Variants in ARFGAP1 observed in about 807,000 individuals in gnomAD.
ARFGAP1 encodes ARF GTPase activating protein 1.
A neutral mutation model predicts 54.0 loss-of-function variants in ARFGAP1; 26 were observed. The observed-to-expected ratio is 0.48, with a 90% CI of 0.35 to 0.67. The LOEUF is 0.67. ARFGAP1 is among the 30% of genes least tolerant of loss of function. The pLI, the probability that ARFGAP1 is intolerant of heterozygous loss-of-function variation, is 0.00. For missense variants in ARFGAP1, 525 were observed against 535.8 expected (o/e 0.98, Z 0.20); for synonymous variants, 248 against 211.9 (o/e 1.17, Z -1.48).
intron 7 of ARFGAP1, among the ~76,000 whole-genome samples, chr20:63,279,721 G>C (rs925918025): frequency 4.9e-4 from 74 of 152,206 alleles, no homozygotes; most frequent in African/African-American, 1.6e-3. Flanking sequence ...TTCTGGTCTG[G>C]GGATGCCTGG....
intron 6 of ARFGAP1, chr20:63,278,659 C>T (rs2067296066): frequency 1.8e-6 from 1 of 556,582 alleles, no homozygotes; most frequent in African/African-American, 1.9e-5. Flanking sequence ...TCTTCTAGTA[C>T]TTCTGTGGCT....
At chr20:63,275,973 A>G in intron 2 of ARFGAP1, 118 bp from the exon 3 acceptor site, 1 of 889,982 alleles carries the variant, frequency 1.1e-6, no homozygotes, top group Admixed American at 1.8e-5. Flanking sequence ...CCTGACCCAC[A>G]CCCCCGGCCA....
chr20:63,284,914 CAGG>C lies in ARFGAP1; in HGVS notation c.769_771del (p.Glu257del), dbSNP rs781052102. ...GAACGAGAACGTCCTCAAGCCTGCGCAGGAGAAGGTAACGGGCAGCTCCGGGTG... is the reference window on the plus strand; with the variant it reads ...GAACGAGAACGTCCTCAAGCCTGCGCAGAAGGTAACGGGCAGCTCCGGGTG... On this transcript the variant is annotated inframe_deletion, in exon 10 of 13. Transcript: ENST00000370283. 18 of 1,613,238 alleles carry C rather than the reference CAGG, an allele frequency of 1.1e-5. No individual in the cohort carries two copies. In the African/African-American group the frequency reaches 1.5e-4, roughly 13 times the overall value.
intron 11 of ARFGAP1, 159 bp downstream of exon 11, chr20:63,285,872 C>G (rs1222151610): frequency 8.4e-6 from 12 of 1,425,912 alleles, no homozygotes; most frequent in Non-Finnish European, 1.0e-5. Context: ...CCTGACAGCC[C>G]GAGGGATATG....
rs924412340 is a variant in ARFGAP1, at chr20:63,284,831, C to T, written c.718-35C>T. On this transcript the variant is annotated intron_variant, in intron 9 of 12. Coordinates refer to ENST00000370283, the MANE Select transcript of ARFGAP1 (RefSeq NM_018209.4). ...TGCCGACCCGTGTCCCGTGGTGGAG[C>T]TGTCGTGGGGCTCACGTGACTTCCC... The T allele has an allele frequency of 2.5e-6, 4 of 1,610,628 alleles. No homozygotes were observed. The African/African-American group carries it at 4.0e-5, about 16-fold the overall frequency.
At position 63,287,586 on chromosome 20, in the gene ARFGAP1, C is replaced by A; in HGVS notation, c.934C>A (p.Gln312Lys). ...LDSPSEGHSY[Q>K]NSGLDHFQNS... ...AAGCCCCTCGGAGGGCCACAGTTAT[C>A]AGAACAGCGGTCTGGACCACTTCCA... is the stretch of plus-strand genomic sequence containing the variant. Residue 312 changes from glutamine to lysine, a missense_variant, in exon 13 of 13, where the codon CAG becomes AAG. Gln to Lys is a moderately conservative substitution (Grantham distance 53, BLOSUM62 1). Around this residue, in one of 3 missense-constraint regions of ARFGAP1, gnomAD observed 466 missense variants for 453.6 expected, o/e 1.03. Transcript: ENST00000370283. The A allele has an allele frequency of 6.3e-7, 1 of 1,595,460 alleles. No homozygotes were observed.
chr20:63,283,771 G>A, intron 9 of ARFGAP1: 2 of 1,532,160 alleles, frequency 1.3e-6, no homozygotes, highest in Non-Finnish European at 1.8e-6. Context: ...ACCCCATGGT[G>A]GGTTCGAAGG....
chr20:63,277,631 C>G (rs2067268126), intron 5 of ARFGAP1, among the ~76,000 whole-genome samples: 2 of 152,180 alleles, frequency 1.3e-5, no homozygotes, highest in Non-Finnish European at 1.5e-5. Flanking sequence ...AGTTGCCCAT[C>G]TGCCTGTGGC....
intron 7 of ARFGAP1, 154 bp downstream of exon 7, chr20:63,279,149 T>A: frequency 1.3e-6 from 1 of 791,580 alleles, no homozygotes; most frequent in Non-Finnish European, 2.1e-6. Context: ...ACGTTTTCTT[T>A]CAAAAATGTG....
rs766439719 is a variant in ARFGAP1 at position 63,285,640 on chromosome 20, C to T, written c.775-14C>T. 10 of 1,613,186 alleles carry T rather than the reference C, an allele frequency of 6.2e-6. No individual in the cohort carries two copies. Among genetic ancestry groups the T allele is most frequent in the Non-Finnish European group, 8.5e-6 (10 of 1,179,774 alleles). On this transcript the variant is annotated splice_polypyrimidine_tract_variant and intron_variant, in intron 10 of 12. Transcript: ENST00000370283. ...CTCCCGCCCCCATTAATGCCGCTGT[C>T]TTCATCCGTGCAGGTGAAGGAGGGA...
rs961298087 is a variant in ARFGAP1, at chr20:63,276,852, A to G, written c.342+201A>G. On this transcript the variant is annotated intron_variant, in intron 4 of 12. Coordinates refer to ENST00000370283, the MANE Select transcript of ARFGAP1 (RefSeq NM_018209.4). This position sits in a 1 kb window ranked among gnomAD's most constrained non-coding sequence, Gnocchi z 5.2. ...GCAAATGGCTTGCGGGGGGAGACAG[A>G]CCTTCCCCGCCTCCAGGGGAGAAAG... The G allele has an allele frequency of 4.8e-5, 28 of 582,458 alleles. No homozygotes were observed. Among genetic ancestry groups the G allele is most frequent in the South Asian group, 2.3e-4 (9 of 39,318 alleles). The allele number at this position is 582,458 out of a possible 1,614,324, so 36.1% of individuals were successfully genotyped here.
chr20:63,280,880 G>GGAAA (rs2067362364), intron 7 of ARFGAP1, among the ~76,000 whole-genome samples: 1 of 152,204 alleles, frequency 6.6e-6, no homozygotes, highest in South Asian at 2.1e-4. Context: ...AGGCTCAGAA[G>GGAAA]GAAACCCTGA....
At chr20:63,280,981 C>T (rs1298377877) in intron 7 of ARFGAP1, among the ~76,000 whole-genome samples, 1 of 152,206 alleles carries the variant, frequency 6.6e-6, no homozygotes, top group South Asian at 2.1e-4. Flanking sequence ...GGAGCGCCGG[C>T]CATGGGGAGG....
chr20:63,285,981 G>T, intron 11 of ARFGAP1: 1 of 1,521,950 alleles, frequency 6.6e-7, no homozygotes, highest in Non-Finnish European at 8.8e-7. Context: ...GTAAGTAAGT[G>T]CCAGCGCCGT....
Position 63,287,871 on chromosome 20 carries a change from T to A in ARFGAP1, c.1219T>A (p.Ter407LysextTer28). The change falls in exon 13 of 13, where the codon TAG becomes AAG. Residue 407 changes from the stop codon to lysine, a stop_lost. Coordinates refer to ENST00000370283, the MANE Select transcript of ARFGAP1 (RefSeq NM_018209.4). ...TDDGWDNQNW* is the reference protein window; with the variant it reads ...TDDGWDNQNWK The stretch of plus-strand genomic sequence containing the variant: ...TGATGGCTGGGACAACCAGAACTGG[T>A]AGGGCCCACTGCGCCCCCGTCCCCA... 6.5e-7 allele frequency: 1 copy of A among 1,531,750 alleles called. No homozygotes were observed. Among genetic ancestry groups the A allele is most frequent in the Non-Finnish European group, 8.8e-7 (1 of 1,136,972 alleles). 94.9% of individuals were successfully genotyped at this position (1,531,750 alleles called of 1,614,324 possible). A position where few individuals can be genotyped will look rare whatever the true frequency, so the allele number is the denominator to read the frequency against.
At chr20:63,286,164 G>A in intron 11 of ARFGAP1, 1 of 1,550,242 alleles carries the variant, frequency 6.5e-7, no homozygotes, top group Non-Finnish European at 8.7e-7. Flanking sequence ...TGTCCTCGCT[G>A]CCATGTCCCG....
chr20:63,281,153 C>G (rs1441267133), intron 7 of ARFGAP1, 138 bp from the exon 8 acceptor site: 2 of 827,888 alleles, frequency 2.4e-6, no homozygotes, highest in African/African-American at 3.4e-5. Context: ...CCTGGAGAAG[C>G]AGGCGCGGTG....
At chr20:63,280,806 G>A (rs2067360649) in intron 7 of ARFGAP1, among the ~76,000 whole-genome samples, 1 of 152,242 alleles carries the variant, frequency 6.6e-6, no homozygotes, top group Non-Finnish European at 1.5e-5. Flanking sequence ...CCTTTAGGAG[G>A]AAGAGGGTGA....
chr20:63,282,343 G>A (rs573187544), intron 8 of ARFGAP1, among the ~76,000 whole-genome samples: 41 of 152,360 alleles, frequency 2.7e-4, no homozygotes, highest in Middle Eastern at 3.4e-3. Context: ...TGTCACGACC[G>A]GGCCTTTTCT....
Sources: gnomAD v4.1 joint callset for allele counts (sites outside exome capture counted in the v4.1 genomes callset) on GRCh38, gnomAD v4.1.1 for gene constraint, gnomAD v4.1.1 regional missense constraint, Gnocchi (gnomAD v3.1) non-coding constraint, MANE v1.5 for transcripts, NCBI Gene and HGNC (gene_info 2026-07-23, HGNC 2026-07-21) for gene names.